Variants in TMEM154 observed in about 807,000 individuals in gnomAD.
TMEM154 encodes transmembrane protein 154.
TMEM154 carries 27 observed loss-of-function variants against 24.5 expected under a neutral mutation model. The ratio of observed to expected loss-of-function variants is 1.10; its 90% CI spans 0.81 to 1.52. The LOEUF is 1.52. Among genes scored for constraint, TMEM154 ranks in the 40% most tolerant of loss-of-function variants. The probability of loss-of-function intolerance (pLI) is 0.00; values close to 1 mark genes in which losing one functional copy is unlikely to be tolerated. For missense variants in TMEM154, 228 were observed against 213.4 expected, an observed-to-expected ratio of 1.07 and a Z score of -0.43; for synonymous variants, 67 against 76.8, an observed-to-expected ratio of 0.87 and a Z score of 0.67.
intron 6 of TMEM154, among the ~76,000 whole-genome samples, chr4:152,638,931 C>T (rs934562916): frequency 3.3e-5 from 5 of 152,056 alleles, no homozygotes; most frequent in Non-Finnish European, 7.4e-5. Flanking sequence ...AGCTCATTTT[C>T]TCATTATTTC....
intron 6 of TMEM154, among the ~76,000 whole-genome samples, chr4:152,637,317 G>A (rs954981328): frequency 9.2e-5 from 14 of 152,140 alleles, no homozygotes; most frequent in African/African-American, 3.1e-4. Context: ...AGGCTGAGGT[G>A]GATGGATCAC....
intron 6 of TMEM154, among the ~76,000 whole-genome samples, chr4:152,629,518 C>G (rs561257908): frequency 6.6e-6 from 1 of 152,188 alleles, no homozygotes; most frequent in African/African-American, 2.4e-5. Flanking sequence ...TCCTGGTGGG[C>G]CCACAGCTCC....
At chr4:152,635,658 A>C (rs4696141) in intron 6 of TMEM154, among the ~76,000 whole-genome samples, 1 of 152,154 alleles carries the variant, frequency 6.6e-6, no homozygotes, top group Non-Finnish European at 1.5e-5. Context: ...ATAGTGAAGC[A>C]ACTCCTTTTT....
rs981604956 is a variant in TMEM154 at position 152,650,429 on chromosome 4, G to A, written c.364+2109C>T. On this transcript the variant is annotated intron_variant, in intron 3 of 6. Transcript: ENST00000304385. ...AGAAGCAATTTCTCAGCCACTTAACGTTTTATCATGAGATTGCAGCAATTC... is the reference window on the plus strand; with the variant it reads ...AGAAGCAATTTCTCAGCCACTTAACATTTTATCATGAGATTGCAGCAATTC... Among the ~76,000 whole-genome samples the A allele has an allele frequency of 5.3e-5, 8 of 151,192 alleles. No individual in the cohort carries two copies. The East Asian group carries it at 1.2e-3, about 22-fold the overall frequency.
chr4:152,635,872 C>A (rs1463206237), intron 6 of TMEM154, among the ~76,000 whole-genome samples: 1 of 152,180 alleles, frequency 6.6e-6, no homozygotes, highest in Non-Finnish European at 1.5e-5. Flanking sequence ...CTAATTCTTT[C>A]CCTAATCTTT....
chr4:152,656,825 G>A (rs759987521), intron 1 of TMEM154, among the ~76,000 whole-genome samples: 25 of 151,962 alleles, frequency 1.6e-4, no homozygotes, highest in Admixed American at 7.2e-4. Context: ...GGAGGCTGAG[G>A]CAGGAGAATC....
chr4:152,655,879 C>T (rs532712482), intron 1 of TMEM154, among the ~76,000 whole-genome samples: 1 of 152,120 alleles, frequency 6.6e-6, no homozygotes, highest in Non-Finnish European at 1.5e-5. Context: ...TGCTTCACCC[C>T]TACCTATTAC....
chr4:152,665,267 G>C (rs773821623), intron 1 of TMEM154, among the ~76,000 whole-genome samples: 2 of 152,144 alleles, frequency 1.3e-5, no homozygotes, highest in Non-Finnish European at 2.9e-5. Flanking sequence ...AATTTTTACA[G>C]TTCTCCTTGT....
In TMEM154 at chr4:152,643,153, G is replaced by A. The variant is rs145777184; in HGVS notation, c.413C>T (p.Thr138Ile). The change falls in exon 5 of 7, where the codon ACA (threonine) becomes ATA (isoleucine). Residue 138 changes from threonine to isoleucine, a missense_variant. Physicochemically the swap from Thr to Ile is moderately conservative, Grantham distance 89 (BLOSUM62 -1). Coordinates refer to ENST00000304385, the MANE Select transcript of TMEM154 (RefSeq NM_152680.3). ...NVKVPIFEED[T>I]PSVMEIEMEE... is the part of the protein sequence containing the mutation. ...CATTTCAATTTCCATAACAGAGGGT[G>A]TATCTTCCTCAAAAATAGGGCTAGA... 5.7e-4 allele frequency: 912 copies of A among 1,611,050 alleles called. 8 individuals carry two copies. In the East Asian group the frequency reaches 0.02, roughly 35 times the overall value.
intron 6 of TMEM154, among the ~76,000 whole-genome samples, chr4:152,628,882 T>C (rs1751977824): frequency 1.3e-5 from 2 of 151,774 alleles, no homozygotes; most frequent in Admixed American, 1.3e-4. Flanking sequence ...CCTGACCTTG[T>C]GATCTGCCCA....
intron 1 of TMEM154, chr4:152,670,242 T>G (rs1728799507): frequency 6.6e-6 from 1 of 152,124 alleles, no homozygotes; most frequent in Non-Finnish European, 1.5e-5. Context: ...GGGGGCAGAG[T>G]GCAATAATTG....
At chr4:152,640,891 C>T in intron 6 of TMEM154, 37 bp downstream of exon 6, 1 of 1,428,562 alleles carries the variant, frequency 7.0e-7, no homozygotes, top group Non-Finnish European at 9.8e-7. Context: ...CCGCCCCCCG[C>T]CATATACATG....
chr4:152,636,454 C>A, intron 6 of TMEM154, among the ~76,000 whole-genome samples: 1 of 152,212 alleles, frequency 6.6e-6, no homozygotes, highest in East Asian at 1.9e-4. Flanking sequence ...CTATTGATTT[C>A]TTTCAAACAT....
intron 6 of TMEM154, among the ~76,000 whole-genome samples, chr4:152,630,823 G>A (rs1377985808): frequency 2.0e-5 from 3 of 152,118 alleles, no homozygotes; most frequent in African/African-American, 4.8e-5. Context: ...CTGTGATAAT[G>A]ATATATATTC....
rs552303323 is a variant in TMEM154 at position 152,672,793 on chromosome 4, T to A, written c.64+7077A>T. Among the ~76,000 whole-genome samples, 316 of 152,344 alleles carry A rather than the reference T, an allele frequency of 2.1e-3. 2 individuals carry two copies. The highest frequency in any genetic ancestry group is 7.2e-3 in the African/African-American group (299 of 41,584). On this transcript the variant is annotated intron_variant, in intron 1 of 6. Transcript: ENST00000304385. Reference sequence around the variant, plus strand: ...GCACTCATCCCCTAATTATCTTAAATTTTTCCATATTGACAAGAGCAGAGG... The same window carrying A: ...GCACTCATCCCCTAATTATCTTAAAATTTTCCATATTGACAAGAGCAGAGG...
Position 152,651,418 on chromosome 4 carries a change from T to A in TMEM154, c.364+1120A>T, listed in dbSNP as rs140999930. Reference sequence around the variant, plus strand: ...AACGATTTGAACTAGGTCTTCTAGATAACTTGCTGCAGCTCCTACATCAGT... The same window carrying A: ...AACGATTTGAACTAGGTCTTCTAGAAAACTTGCTGCAGCTCCTACATCAGT... On this transcript the variant is annotated intron_variant, in intron 3 of 6. Transcript: ENST00000304385. Among the ~76,000 whole-genome samples, 13 of 152,378 alleles carry A rather than the reference T, an allele frequency of 8.5e-5. No individual in the cohort carries two copies. In the East Asian group the frequency reaches 2.3e-3, roughly 27 times the overall value.
Position 152,641,246 on chromosome 4 carries a change from G to A in TMEM154, c.479-261C>T, listed in dbSNP as rs574327101. ...CAATTCATCACTGCTTGGTTATTCT[G>A]TCCCTGCAGCACCCCAGTGCTCCAA... On this transcript the variant is annotated intron_variant, in intron 5 of 6. Coordinates refer to ENST00000304385, the MANE Select transcript of TMEM154 (RefSeq NM_152680.3). 1.2e-5 allele frequency: 5 copies of A among 411,680 alleles called. No homozygotes were observed. In the South Asian group the frequency reaches 1.8e-4, roughly 15 times the overall value. The allele number at this position is 411,680 out of a possible 1,614,324, so 25.5% of individuals were successfully genotyped here.
intron 1 of TMEM154, among the ~76,000 whole-genome samples, chr4:152,677,874 A>G (rs1728979963): frequency 6.6e-6 from 1 of 152,208 alleles, no homozygotes; most frequent in African/African-American, 2.4e-5. Flanking sequence ...GGAAAGTCAA[A>G]GGTGAACTAC....
At chr4:152,654,758 T>C (rs755311928) in intron 1 of TMEM154, among the ~76,000 whole-genome samples, 1 of 152,210 alleles carries the variant, frequency 6.6e-6, no homozygotes, top group Non-Finnish European at 1.5e-5. Flanking sequence ...TCTAGCACCT[T>C]TGATCTTGAA....
Sources: allele counts gnomAD v4.1 joint callset (sites outside exome capture counted in the v4.1 genomes callset), GRCh38; gene constraint gnomAD v4.1.1; transcripts MANE v1.5; gene names NCBI Gene and HGNC (gene_info 2026-07-23, HGNC 2026-07-21).